DLG2: variants seen among roughly 807,000 people sequenced by gnomAD.
DLG2 encodes discs large MAGUK scaffold protein 2, also known as disks large homolog 2.
A neutral mutation model predicts 132.5 loss-of-function variants in DLG2; 45 were observed. The observed-to-expected ratio is 0.34, with a 90% CI of 0.27 to 0.44. The LOEUF is 0.44. DLG2 is among the 20% of genes least tolerant of loss of function. The probability of loss-of-function intolerance (pLI) is 1.00; values close to 1 mark genes in which losing one functional copy is unlikely to be tolerated. For synonymous variants in DLG2, 424 were observed against 419.6 expected (o/e 1.01, Z -0.13); for missense variants, 1,045 against 1,196.9 (o/e 0.87, Z 1.87).
chr11:85,339,574 T>G (rs189157858), intron 3 of DLG2, among the ~76,000 whole-genome samples: 20 of 152,356 alleles, frequency 1.3e-4, no homozygotes, highest in African/African-American at 4.6e-4. Context: ...CTATTTACAT[T>G]TGTATTTCTC....
At chr11:84,402,806 C>T (rs1567539851) in intron 7 of DLG2, among the ~76,000 whole-genome samples, 5 of 144,814 alleles carry the variant, frequency 3.5e-5, no homozygotes, top group African/African-American at 1.3e-4. Flanking sequence ...GGCGTGAAGC[C>T]GGGAGGCGGA....
intron 6 of DLG2, among the ~76,000 whole-genome samples, chr11:84,747,848 G>C (rs1465911583): frequency 1.3e-5 from 2 of 152,192 alleles, no homozygotes; most frequent in Non-Finnish European, 2.9e-5. Flanking sequence ...ACAGATGTCT[G>C]AATAGTCAAC....
intron 15 of DLG2, among the ~76,000 whole-genome samples, chr11:83,918,392 T>C (rs1005923598): frequency 6.6e-6 from 1 of 152,194 alleles, no homozygotes; most frequent in Admixed American, 6.5e-5. Context: ...CACTCACACC[T>C]ATCCTGATTT....
chr11:85,262,231 G>T (rs764278050), intron 4 of DLG2, among the ~76,000 whole-genome samples: 39 of 152,150 alleles, frequency 2.6e-4, no homozygotes, highest in Non-Finnish European at 4.0e-4. Flanking sequence ...TGGCAGGCCA[G>T]GTCTGACTAA....
intron 18 of DLG2, among the ~76,000 whole-genome samples, chr11:83,748,116 T>C (rs547254007): frequency 6.6e-6 from 1 of 152,336 alleles, no homozygotes; most frequent in African/African-American, 2.4e-5. Context: ...AGATAGATTC[T>C]GTATGTACTC....
At chr11:85,352,394 G>C (rs916419726) in intron 3 of DLG2, among the ~76,000 whole-genome samples, 1 of 152,016 alleles carries the variant, frequency 6.6e-6, no homozygotes, top group Non-Finnish European at 1.5e-5. Context: ...AAGGGTTTTT[G>C]TGTCTCTATC....
At chr11:83,649,841 A>G (rs980396116) in intron 18 of DLG2, among the ~76,000 whole-genome samples, 1 of 152,128 alleles carries the variant, frequency 6.6e-6, no homozygotes, top group Non-Finnish European at 1.5e-5. Context: ...TTTTTCCTCC[A>G]TGATTTCTAT....
intron 8 of DLG2, among the ~76,000 whole-genome samples, chr11:84,238,650 TTTG>T: frequency 1.3e-5 from 2 of 151,862 alleles, no homozygotes; most frequent in African/African-American, 2.4e-5. Context: ...CTTTTTTTTT[TTTG>T]GAAATAGAGT....
At position 84,316,834 on chromosome 11, in the gene DLG2, G is replaced by A. The variant is rs772227136; in HGVS notation, c.520-65543C>T. 1.1e-5 allele frequency: 17 copies of A among 1,611,312 alleles called. No individual in the cohort carries two copies. The Admixed American group carries it at 1.3e-4, about 13-fold the overall frequency. The stretch of plus-strand genomic sequence containing the variant: ...TAAGGAAAAGGCTCACCTGTGCTGG[G>A]CTGAACCAACCATGTGGGCAGGTAC... On this transcript the variant is annotated intron_variant, in intron 7 of 27. Coordinates refer to ENST00000376104, the MANE Select transcript of DLG2 (RefSeq NM_001142699.3).
chr11:85,151,857 T>C (rs1293249770), intron 5 of DLG2, among the ~76,000 whole-genome samples: 1 of 152,218 alleles, frequency 6.6e-6, no homozygotes, highest in East Asian at 1.9e-4. Flanking sequence ...CAAAATTGAT[T>C]AGGCTATTTA....
At chr11:85,357,341 C>T (rs1000059789) in intron 3 of DLG2, among the ~76,000 whole-genome samples, 1 of 148,948 alleles carries the variant, frequency 6.7e-6, no homozygotes, top group Non-Finnish European at 1.5e-5. Context: ...TACAGGTGCC[C>T]GCCACCATGC....
chr11:83,464,742 G>A (rs888267900), intron 26 of DLG2, among the ~76,000 whole-genome samples: 1 of 152,180 alleles, frequency 6.6e-6, no homozygotes, highest in Admixed American at 6.5e-5. Context: ...ATATTGCACC[G>A]GACCAAATGT....
At chr11:84,511,883 T>C (rs2099258001) in intron 7 of DLG2, among the ~76,000 whole-genome samples, 2 of 152,136 alleles carry the variant, frequency 1.3e-5, no homozygotes, top group Admixed American at 6.6e-5. Context: ...AAACAATATA[T>C]CTGATTTGGT....
chr11:83,651,767 T>C (rs1386685041), intron 18 of DLG2: 3 of 466,432 alleles, frequency 6.4e-6, no homozygotes, highest in East Asian at 7.0e-5. Flanking sequence ...GAGCATCTAA[T>C]AGGGAGACAT....
intron 8 of DLG2, among the ~76,000 whole-genome samples, chr11:84,244,374 C>G (rs1349555498): frequency 6.6e-6 from 1 of 152,040 alleles, no homozygotes; most frequent in Non-Finnish European, 1.5e-5. Context: ...TTAGTAGAGA[C>G]AGGGTTTCAG....
intron 8 of DLG2, among the ~76,000 whole-genome samples, chr11:84,241,131 AATTCTCCCTTTCTCTG>A (rs2097220041): frequency 6.6e-6 from 1 of 152,180 alleles, no homozygotes; most frequent in African/African-American, 2.4e-5. Flanking sequence ...AGCTAGACAA[AATTCTCCCTTTCTCTG>A]ATTCCTTGAA....
chr11:85,442,601 C>T (rs549459476), intron 3 of DLG2, among the ~76,000 whole-genome samples: 1 of 152,092 alleles, frequency 6.6e-6, no homozygotes, highest in South Asian at 2.1e-4. Context: ...ATGGCTCGTG[C>T]CTGTAATCCC....
chr11:83,495,676 G>A (rs2094114314), intron 21 of DLG2, among the ~76,000 whole-genome samples: 1 of 152,054 alleles, frequency 6.6e-6, no homozygotes, highest in Non-Finnish European at 1.5e-5. Flanking sequence ...AATATTTTCA[G>A]CTTAGGCTGC....
Position 85,616,174 on chromosome 11 carries a change from T to C in DLG2, c.-93+10413A>G, listed in dbSNP as rs147571273. ...TGATGCCATTCACTTGTTCAAAGAC[T>C]ACCACACTCATACAGTAAAAAGGAA... On this transcript the variant is annotated intron_variant, in intron 2 of 27. Coordinates refer to ENST00000376104, the MANE Select transcript of DLG2 (RefSeq NM_001142699.3). Among the ~76,000 whole-genome samples the C allele has an allele frequency of 4.5e-3, 679 of 152,308 alleles. 7 individuals are homozygous for C. The highest frequency in any genetic ancestry group is 0.016 in the African/African-American group (652 of 41,568).
Sources: allele counts gnomAD v4.1 joint callset (sites outside exome capture counted in the v4.1 genomes callset), GRCh38; gene constraint gnomAD v4.1.1; transcripts MANE v1.5; gene names NCBI Gene and HGNC (gene_info 2026-07-23, HGNC 2026-07-21).